The following XRCC4 variants were observed in gnomAD, a reference collection of about 807,000 sequenced individuals.
XRCC4 encodes the protein DNA repair protein XRCC4.
In XRCC4, 28 loss-of-function variants were observed where a neutral mutation model predicts 39.1. The observed-to-expected ratio is 0.72, with a 90% CI of 0.53 to 0.98. The LOEUF (loss-of-function observed/expected upper bound fraction) is 0.98, where lower values mean the gene tolerates loss of function less well. Among genes scored for constraint, XRCC4 ranks in the 50% least tolerant of loss-of-function variants. The pLI is 0.00. For missense variants in XRCC4, 350 were observed against 376.4 expected, an observed-to-expected ratio of 0.93 and a Z score of 0.58; for synonymous variants, 123 against 126.4, an observed-to-expected ratio of 0.97 and a Z score of 0.18.
chr5:83,212,925 T>TAAA (rs777025309), intron 6 of XRCC4, among the ~76,000 whole-genome samples: 1 of 61,574 alleles, frequency 1.6e-5, no homozygotes, highest in African/African-American at 6.0e-5. Flanking sequence ...AGATTCCATC[T>TAAA]AAAAAAAAAA....
At chr5:83,093,379 C>T (rs781361337) in intron 1 of XRCC4, among the ~76,000 whole-genome samples, 11 of 152,142 alleles carry the variant, frequency 7.2e-5, no homozygotes, top group Admixed American at 2.0e-4. Flanking sequence ...CTTCAATGCA[C>T]CACTTTCAAT....
At chr5:83,136,445 G>T (rs1747902963) in intron 3 of XRCC4, among the ~76,000 whole-genome samples, 1 of 152,162 alleles carries the variant, frequency 6.6e-6, no homozygotes, top group Non-Finnish European at 1.5e-5. Flanking sequence ...CCGGGTACTT[G>T]TTGAAAGTTG....
At chr5:83,119,665 T>G (rs1160419743) in intron 3 of XRCC4, among the ~76,000 whole-genome samples, 1 of 152,130 alleles carries the variant, frequency 6.6e-6, no homozygotes, top group African/African-American at 2.4e-5. Flanking sequence ...AAGGAACAAC[T>G]TAGCATAAGA....
intron 7 of XRCC4, among the ~76,000 whole-genome samples, chr5:83,277,100 T>A (rs1026544825): frequency 2.6e-5 from 4 of 152,208 alleles, no homozygotes; most frequent in Admixed American, 2.0e-4. Context: ...AAAGAATTTG[T>A]TGGGAACCTT....
At chr5:83,184,386 A>C (rs1007742856) in intron 3 of XRCC4, among the ~76,000 whole-genome samples, 11 of 152,038 alleles carry the variant, frequency 7.2e-5, no homozygotes, top group Non-Finnish European at 1.3e-4. Context: ...ATGCTATTTC[A>C]TCAAATAAAT....
Position 83,180,985 on chromosome 5 carries a change from A to G in XRCC4, c.316-14785A>G, listed in dbSNP as rs551643089. On this transcript the variant is annotated intron_variant, in intron 3 of 7. Transcript: ENST00000396027. ...TTTAAAAAGTCAAATAGTTTCTACAAACCTTATAATGAAAAATTGGCAGTC... is the reference window on the plus strand; with the variant it reads ...TTTAAAAAGTCAAATAGTTTCTACAGACCTTATAATGAAAAATTGGCAGTC... Among the ~76,000 whole-genome samples, 7 of 151,404 alleles carry G rather than the reference A, an allele frequency of 4.6e-5. No homozygotes were observed. In the South Asian group the frequency reaches 1.5e-3, roughly 31 times the overall value.
At chr5:83,094,203 A>C (rs1040186439) in intron 1 of XRCC4, among the ~76,000 whole-genome samples, 1 of 151,706 alleles carries the variant, frequency 6.6e-6, no homozygotes, top group East Asian at 1.9e-4. Flanking sequence ...GCATCTACCT[A>C]CTTTGTTTTT....
At chr5:83,374,270 G>A in the XRCC4 span, among the ~76,000 whole-genome samples, 1 of 152,098 alleles carries the variant, frequency 6.6e-6, no homozygotes, top group Admixed American at 6.5e-5. Flanking sequence ...TCATGGGAGT[G>A]GTTTCCCTGA....
intron 3 of XRCC4, among the ~76,000 whole-genome samples, chr5:83,172,346 C>T (rs1749767824): frequency 6.6e-6 from 1 of 152,118 alleles, no homozygotes; most frequent in Admixed American, 6.5e-5. Context: ...ATTGCTTGTC[C>T]CTAAAGACCA....
chr5:83,345,366 C>G (rs1756886782), intron 7 of XRCC4, among the ~76,000 whole-genome samples: 1 of 152,026 alleles, frequency 6.6e-6, no homozygotes, highest in Non-Finnish European at 1.5e-5. Flanking sequence ...GTGTTTAATT[C>G]ACCTGGAATC....
chr5:83,130,595 G>A (rs1222586909), intron 3 of XRCC4, among the ~76,000 whole-genome samples: 4 of 152,076 alleles, frequency 2.6e-5, no homozygotes, highest in South Asian at 4.2e-4. Flanking sequence ...AATCCATCTG[G>A]TCCTGGACTT....
At chr5:83,125,893 G>A (rs57126812) in intron 3 of XRCC4, among the ~76,000 whole-genome samples, 2,236 of 150,494 alleles carry the variant, frequency 0.015, 41 homozygotes, top group African/African-American at 0.052. Flanking sequence ...TGAGACAGGA[G>A]AATTGCTTCT....
intron 3 of XRCC4, among the ~76,000 whole-genome samples, chr5:83,121,752 T>G (rs1045728710): frequency 6.6e-6 from 1 of 152,198 alleles, no homozygotes; most frequent in Non-Finnish European, 1.5e-5. Flanking sequence ...TGCTTTGAGA[T>G]CACTTCTAAT....
chr5:83,117,073 C>T (rs1024514679), intron 3 of XRCC4, among the ~76,000 whole-genome samples: 1 of 152,116 alleles, frequency 6.6e-6, no homozygotes, highest in South Asian at 2.1e-4. Context: ...CTTTAATTGG[C>T]TTTTCTTTAT....
intron 7 of XRCC4, 81 bp from the exon 8 acceptor site, chr5:83,353,050 T>G (rs1455030463): frequency 5.4e-6 from 6 of 1,108,616 alleles, no homozygotes; most frequent in Non-Finnish European, 7.7e-6. Flanking sequence ...GTCATTTCAC[T>G]TATGTGTCTC....
At chr5:83,347,736 G>A (rs1468052320) in intron 7 of XRCC4, among the ~76,000 whole-genome samples, 2 of 152,030 alleles carry the variant, frequency 1.3e-5, no homozygotes, top group South Asian at 2.1e-4. Context: ...ATTGCCAAGA[G>A]TCCCCCAAAA....
chr5:83,262,993 C>A (rs1280167882), intron 7 of XRCC4, among the ~76,000 whole-genome samples: 1 of 126,146 alleles, frequency 7.9e-6, no homozygotes, highest in East Asian at 2.8e-4. Context: ...TCCCTCCCCC[C>A]CTCCCCCCAC....
chr5:83,366,984 C>T, the XRCC4 span, among the ~76,000 whole-genome samples: 3 of 152,202 alleles, frequency 2.0e-5, no homozygotes, highest in African/African-American at 7.2e-5. Context: ...GTTTTTTTGG[C>T]CATCTGTTCT....
intron 7 of XRCC4, among the ~76,000 whole-genome samples, chr5:83,279,192 TATCA>T (rs1177709785): frequency 6.6e-6 from 1 of 151,114 alleles, no homozygotes; most frequent in Non-Finnish European, 1.5e-5. Flanking sequence ...GCTGGATACA[TATCA>T]ATCAACTTAT....
Sources: gnomAD v4.1 joint callset for allele counts (sites outside exome capture counted in the v4.1 genomes callset) on GRCh38, gnomAD v4.1.1 for gene constraint, MANE v1.5 for transcripts, NCBI Gene and HGNC (gene_info 2026-07-23, HGNC 2026-07-21) for gene names.